The following SNCAIP variants were observed in gnomAD, a reference collection of about 807,000 sequenced individuals.
The protein encoded by SNCAIP is synphilin-1.
SNCAIP carries 43 observed loss-of-function variants against 86.7 expected under a neutral mutation model. That is an observed-to-expected ratio of 0.50 (90% confidence interval 0.39 to 0.64). SNCAIP has a LOEUF of 0.64. SNCAIP is among the 30% of genes least tolerant of loss of function. The pLI is 0.00. For synonymous variants in SNCAIP, 417 were observed against 427.2 expected (o/e 0.98, Z 0.29); for missense variants, 981 against 1,103.1 (o/e 0.89, Z 1.57).
chr5:122,360,741 T>C (rs1561579154), intron 1 of SNCAIP, among the ~76,000 whole-genome samples: 1 of 152,192 alleles, frequency 6.6e-6, no homozygotes, highest in Non-Finnish European at 1.5e-5. Flanking sequence ...TAGCTGGAAA[T>C]CTACTTGTAG....
intron 1 of SNCAIP, among the ~76,000 whole-genome samples, chr5:122,348,877 C>T (rs1580572802): frequency 6.6e-6 from 1 of 151,742 alleles, no homozygotes. Context: ...AAGTTTTGTA[C>T]AAAAAAAATA....
Position 122,382,176 on chromosome 5 carries a change from C to G in SNCAIP, c.-46-8913C>G, listed in dbSNP as rs566262781. The stretch of plus-strand genomic sequence containing the variant: ...CCATTCTCCCCATCACTTTCAGGTA[C>G]ACCAATCAGACGTAGATTTGGTCTT... On this transcript the variant is annotated intron_variant, in intron 1 of 10. Coordinates refer to ENST00000261368, the MANE Select transcript of SNCAIP (RefSeq NM_005460.4). 5.8e-3 allele frequency among the ~76,000 whole-genome samples: 882 copies of G among 152,314 alleles called. 28 individuals are homozygous for G. The highest frequency in any genetic ancestry group is 0.048 in the Admixed American group (727 of 15,300).
chr5:122,390,080 C>T (rs960475070), intron 1 of SNCAIP, among the ~76,000 whole-genome samples: 6 of 152,062 alleles, frequency 3.9e-5, no homozygotes, highest in African/African-American at 2.4e-5. Flanking sequence ...TAATGCACTC[C>T]TTATTGTTCA....
At chr5:122,407,656 TGGATAAAA>T (rs1205967611) in intron 3 of SNCAIP, among the ~76,000 whole-genome samples, 1 of 152,216 alleles carries the variant, frequency 6.6e-6, no homozygotes, top group African/African-American at 2.4e-5. Flanking sequence ...CTGATGAATG[TGGATAAAA>T]GGTCTACAGC....
rs762078599 is a variant in SNCAIP, at chr5:122,463,514, T to C, written c.*18T>C. The C allele has an allele frequency of 1.9e-6, 3 of 1,607,488 alleles. No homozygotes were observed. Among genetic ancestry groups the C allele is most frequent in the East Asian group, 4.5e-5 (2 of 44,760 alleles). Reference sequence around the variant, plus strand: ...AGGCATAATGACATCAATAGAAAAATGAAGAAATCCTACAGCATAAAGCAC... The same window carrying C: ...AGGCATAATGACATCAATAGAAAAACGAAGAAATCCTACAGCATAAAGCAC... On this transcript the variant is annotated 3_prime_UTR_variant, in exon 11 of 11. Transcript: ENST00000261368.
At chr5:122,323,298 TTTAA>T (rs1446236653) in intron 1 of SNCAIP, 1 of 152,212 alleles carries the variant, frequency 6.6e-6, no homozygotes, top group African/African-American at 2.4e-5. Flanking sequence ...AAGTCTAATC[TTTAA>T]TTAAGTTGAG....
At chr5:122,436,453 T>A (rs1034090107) in intron 6 of SNCAIP, 2 of 152,202 alleles carry the variant, frequency 1.3e-5, no homozygotes, top group African/African-American at 4.8e-5. Context: ...TAGTAATGTA[T>A]AGGAGAAACT....
intron 1 of SNCAIP, among the ~76,000 whole-genome samples, chr5:122,351,869 A>T (rs1462884208): frequency 6.6e-6 from 1 of 152,200 alleles, no homozygotes; most frequent in Non-Finnish European, 1.5e-5. Flanking sequence ...GGCTTTGCTT[A>T]GGAGGAGGGG....
chr5:122,383,110 C>T (rs1767275812), intron 1 of SNCAIP, among the ~76,000 whole-genome samples: 1 of 152,216 alleles, frequency 6.6e-6, no homozygotes. Context: ...CCTAGCAAGC[C>T]TGGGCAATGG....
At chr5:122,338,491 A>T (rs1459153549) in intron 1 of SNCAIP, among the ~76,000 whole-genome samples, 4 of 152,182 alleles carry the variant, frequency 2.6e-5, no homozygotes, top group African/African-American at 9.7e-5. Context: ...TAATTTAATA[A>T]TTTATTACTT....
intron 1 of SNCAIP, among the ~76,000 whole-genome samples, chr5:122,314,131 G>T (rs1751223364): frequency 6.6e-6 from 1 of 152,228 alleles, no homozygotes; most frequent in South Asian, 2.1e-4. Context: ...ATTCCAGACA[G>T]TTGTTCTGGT....
At chr5:122,412,192 C>G (rs556985637) in intron 3 of SNCAIP, among the ~76,000 whole-genome samples, 4 of 152,264 alleles carry the variant, frequency 2.6e-5, no homozygotes, top group African/African-American at 9.6e-5. Flanking sequence ...AAAAAACAAA[C>G]AAACCACCTC....
In SNCAIP at chr5:122,463,501, A is replaced by G. The variant is rs749410112; in HGVS notation, c.*5A>G. The G allele has an allele frequency of 2.5e-6, 4 of 1,600,928 alleles. No homozygotes were observed. Among genetic ancestry groups the G allele is most frequent in the Non-Finnish European group, 3.4e-6 (4 of 1,169,062 alleles). On this transcript the variant is annotated 3_prime_UTR_variant, in exon 11 of 11. Transcript: ENST00000261368. ...TTCTCTTCTGCTTAGGCATAATGACATCAATAGAAAAATGAAGAAATCCTA... is the reference window on the plus strand; with the variant it reads ...TTCTCTTCTGCTTAGGCATAATGACGTCAATAGAAAAATGAAGAAATCCTA...
intron 1 of SNCAIP, among the ~76,000 whole-genome samples, chr5:122,318,566 T>C (rs149749047): frequency 6.6e-6 from 1 of 152,368 alleles, no homozygotes; most frequent in Non-Finnish European, 1.5e-5. Flanking sequence ...CTTTCATTTT[T>C]TCAGGTGACT....
At chr5:122,394,208 G>C (rs1444779942) in intron 2 of SNCAIP, among the ~76,000 whole-genome samples, 1 of 151,970 alleles carries the variant, frequency 6.6e-6, no homozygotes, top group Non-Finnish European at 1.5e-5. Flanking sequence ...TTATGAAAAA[G>C]ATGCCCAGTT....
At chr5:122,369,969 G>A (rs1195156013) in intron 1 of SNCAIP, 2 of 152,162 alleles carry the variant, frequency 1.3e-5, no homozygotes, top group Non-Finnish European at 2.9e-5. Context: ...CTGCCACTTA[G>A]AGCAAGTGGT....
rs187578563 is a variant in SNCAIP at position 122,405,032 on chromosome 5, A to C, written c.130+1167A>C. ...AAACATTCAAGTTCATATAGGATTT[A>C]ATAGAGGCTCTTGGCTATAAGTCTT... On this transcript the variant is annotated intron_variant, in intron 3 of 10. Coordinates refer to ENST00000261368, the MANE Select transcript of SNCAIP (RefSeq NM_005460.4). Among the ~76,000 whole-genome samples, 247 of 152,354 alleles carry C rather than the reference A, an allele frequency of 1.6e-3. 1 individual carries two copies. Among genetic ancestry groups the C allele is most frequent in the African/African-American group, 5.4e-3 (226 of 41,584 alleles).
intron 2 of SNCAIP, among the ~76,000 whole-genome samples, chr5:122,399,990 G>C (rs1225217015): frequency 6.6e-6 from 1 of 152,048 alleles, no homozygotes; most frequent in Non-Finnish European, 1.5e-5. Context: ...TTGAAAGCTG[G>C]CTTTACTTCC....
intron 1 of SNCAIP, among the ~76,000 whole-genome samples, chr5:122,352,001 G>A (rs553120219): frequency 6.6e-6 from 1 of 152,268 alleles, no homozygotes; most frequent in African/African-American, 2.4e-5. Context: ...AAAGCAACAA[G>A]GCTTATGAAT....
Sources: gnomAD v4.1 joint callset for allele counts (sites outside exome capture counted in the v4.1 genomes callset) on GRCh38, gnomAD v4.1.1 for gene constraint, MANE v1.5 for transcripts, NCBI Gene and HGNC (gene_info 2026-07-23, HGNC 2026-07-21) for gene names.